Variants in MSH4 observed in about 807,000 individuals in gnomAD.
MSH4 encodes the protein mutS protein homolog 4.
Under a neutral mutation model 113.7 loss-of-function variants are expected in MSH4, and 106 were observed. That is an observed-to-expected ratio of 0.93 (90% confidence interval 0.80 to 1.10). MSH4 has a LOEUF of 1.10. MSH4 is among the 50% of genes least tolerant of loss of function. The pLI is 0.00. For synonymous variants in MSH4, 368 were observed against 380.2 expected (o/e 0.97, Z 0.37); for missense variants, 1,061 against 1,093.7 (o/e 0.97, Z 0.42).
At chr1:75,861,165 CCT>C (rs1224408835) in intron 8 of MSH4, among the ~76,000 whole-genome samples, 1 of 10,456 alleles carries the variant, frequency 9.6e-5, no homozygotes, top group African/African-American at 1.0e-4. Flanking sequence ...ATTCATCTAA[CCT>C]TTTTTTCAAG....
chr1:75,820,410 G>A (rs908702249), intron 6 of MSH4, among the ~76,000 whole-genome samples: 1 of 152,208 alleles, frequency 6.6e-6, no homozygotes, highest in Non-Finnish European at 1.5e-5. Context: ...GCTCCTCCTT[G>A]TATCTCTGGT....
intron 9 of MSH4, among the ~76,000 whole-genome samples, chr1:75,869,973 C>G (rs946870370): frequency 6.6e-6 from 1 of 152,208 alleles, no homozygotes; most frequent in Non-Finnish European, 1.5e-5. Flanking sequence ...AAGCCACAGA[C>G]ACTCAACACC....
intron 8 of MSH4, among the ~76,000 whole-genome samples, chr1:75,850,288 T>C (rs1285567221): frequency 6.6e-6 from 1 of 152,154 alleles, no homozygotes; most frequent in East Asian, 1.9e-4. Context: ...ATAAGCATTT[T>C]AGTACTATAA....
chr1:75,834,670 T>C (rs938108685), intron 7 of MSH4, among the ~76,000 whole-genome samples: 6 of 152,144 alleles, frequency 3.9e-5, no homozygotes, highest in Admixed American at 1.3e-4. Context: ...CAGAGCAAAC[T>C]ATCACAAGGA....
chr1:75,815,553 A>G (rs1478776064), intron 5 of MSH4, among the ~76,000 whole-genome samples: 1 of 152,188 alleles, frequency 6.6e-6, no homozygotes, highest in Admixed American at 6.5e-5. Flanking sequence ...TTTACTCCTA[A>G]CAGATTCAGC....
chr1:75,847,868 A>G (rs1266131179), intron 7 of MSH4, among the ~76,000 whole-genome samples: 1 of 152,142 alleles, frequency 6.6e-6, no homozygotes, highest in East Asian at 1.9e-4. Flanking sequence ...TGTGACCCAA[A>G]TGTTTTCCAC....
chr1:75,874,840 C>T (rs1651782945), intron 9 of MSH4, among the ~76,000 whole-genome samples: 1 of 152,114 alleles, frequency 6.6e-6, no homozygotes. Flanking sequence ...ATGCAAAATG[C>T]ATACTTTCAG....
At chr1:75,858,022 G>A (rs1488550653) in intron 8 of MSH4, among the ~76,000 whole-genome samples, 1 of 152,144 alleles carries the variant, frequency 6.6e-6, no homozygotes, top group East Asian at 1.9e-4. Flanking sequence ...TATTCTCTTA[G>A]TAGCAATAGT....
At chr1:75,885,429 CTGAG>C (rs1178001605) in intron 15 of MSH4, among the ~76,000 whole-genome samples, 3 of 95,634 alleles carry the variant, frequency 3.1e-5, no homozygotes, top group African/African-American at 1.3e-4. Flanking sequence ...AGTTGGTATC[CTGAG>C]TGTGTATATA....
At chr1:75,845,939 A>G (rs1474505805) in intron 7 of MSH4, among the ~76,000 whole-genome samples, 1 of 152,100 alleles carries the variant, frequency 6.6e-6, no homozygotes, top group Non-Finnish European at 1.5e-5. Context: ...ATGGCTTCAT[A>G]CCTATTGTAT....
At chr1:75,898,896 C>T (rs561803458) in intron 18 of MSH4, among the ~76,000 whole-genome samples, 8 of 152,128 alleles carry the variant, frequency 5.3e-5, no homozygotes, top group African/African-American at 1.9e-4. Context: ...AATTTATGAG[C>T]CTCAATTTCA....
chr1:75,850,190 T>C (rs139195732), intron 8 of MSH4, among the ~76,000 whole-genome samples: 1 of 152,240 alleles, frequency 6.6e-6, no homozygotes, highest in Non-Finnish European at 1.5e-5. Context: ...TTTATCACTC[T>C]TCTGCTTACT....
In MSH4 at chr1:75,848,271, G is replaced by GAC; in HGVS notation, c.1228_1229dup (p.Val411ArgfsTer9). ...TGTTTTAGTCCAAATTCCAAAGCAA[G>GAC]ACACGGTATGTTTTTGTATACATTT... On this transcript the variant is annotated frameshift_variant, in exon 8 of 20. Transcript: ENST00000263187. LOFTEE classifies it high-confidence loss of function. 1 of 1,595,598 alleles carries GAC rather than the reference G, an allele frequency of 6.3e-7. No homozygotes were observed.
intron 7 of MSH4, among the ~76,000 whole-genome samples, chr1:75,836,175 T>C (rs1323300283): frequency 6.6e-6 from 1 of 152,190 alleles, no homozygotes. Flanking sequence ...TTAGTTGAAG[T>C]TACCTTCCAC....
At chr1:75,824,257 G>T (rs1650495532) in intron 7 of MSH4, among the ~76,000 whole-genome samples, 2 of 152,078 alleles carry the variant, frequency 1.3e-5, no homozygotes, top group Admixed American at 1.3e-4. Context: ...TATGTTTGAT[G>T]GCCGCACAAA....
Position 75,853,214 on chromosome 1 carries a change from G to T in MSH4, c.1230+4938G>T, listed in dbSNP as rs955139067. Among the ~76,000 whole-genome samples the T allele has an allele frequency of 2.9e-4, 44 of 152,010 alleles. No homozygotes were observed. The Middle Eastern group carries it at 0.01, about 35-fold the overall frequency. On this transcript the variant is annotated intron_variant, in intron 8 of 19. Coordinates refer to ENST00000263187, the MANE Select transcript of MSH4 (RefSeq NM_002440.4). ...CAAGTAGCTGGGATTACAGGCACCC[G>T]CCACCATGCCCAGCTAATTTTTGTA...
Position 75,828,097 on chromosome 1 carries a change from C to T in MSH4, c.1162+5516C>T, listed in dbSNP as rs1650596928. 2.6e-5 allele frequency among the ~76,000 whole-genome samples: 4 copies of T among 152,092 alleles called. No homozygotes were observed. In the South Asian group the frequency reaches 8.3e-4, roughly 31 times the overall value. On this transcript the variant is annotated intron_variant, in intron 7 of 19. Transcript: ENST00000263187. ...ATCCTCAGAAAAGTACAAATCAAAACCACAATGAGATGCCATCTCACACCA... is the reference window on the plus strand; with the variant it reads ...ATCCTCAGAAAAGTACAAATCAAAATCACAATGAGATGCCATCTCACACCA...
At chr1:75,840,042 G>A (rs1168137387) in intron 7 of MSH4, among the ~76,000 whole-genome samples, 3 of 151,628 alleles carry the variant, frequency 2.0e-5, no homozygotes, top group African/African-American at 7.3e-5. Context: ...AGGATGTGGA[G>A]AAACAGGAAC....
intron 7 of MSH4, among the ~76,000 whole-genome samples, chr1:75,844,955 G>T (rs951393920): frequency 6.6e-6 from 1 of 152,184 alleles, no homozygotes; most frequent in African/African-American, 2.4e-5. Flanking sequence ...AAAGGCAGAA[G>T]GACAAGAGAG....
Sources: allele counts gnomAD v4.1 joint callset (sites outside exome capture counted in the v4.1 genomes callset), GRCh38; gene constraint gnomAD v4.1.1; transcripts MANE v1.5; gene names NCBI Gene and HGNC (gene_info 2026-07-23, HGNC 2026-07-21).